The following LRP1B variants were observed in gnomAD, a reference collection of about 807,000 sequenced individuals.
LRP1B encodes the protein low-density lipoprotein receptor-related protein 1B.
LRP1B carries 217 observed loss-of-function variants against 556.6 expected under a neutral mutation model. The observed-to-expected ratio is 0.39, with a 90% CI of 0.35 to 0.44. LRP1B has a LOEUF of 0.44. LRP1B is among the 20% of genes least tolerant of loss of function. The pLI is 1.00. For missense variants in LRP1B, 5,053 were observed against 5,620.8 expected (o/e 0.90, Z 3.23); for synonymous variants, 2,047 against 1,865.8 (o/e 1.10, Z -2.50).
At chr2:141,981,101 T>C (rs1189141645) in intron 1 of LRP1B, among the ~76,000 whole-genome samples, 2 of 152,148 alleles carry the variant, frequency 1.3e-5, no homozygotes, top group Non-Finnish European at 2.9e-5. Context: ...CAGCATGTAT[T>C]TGGGGCTTAG....
chr2:142,054,438 C>T (rs1394357842), intron 1 of LRP1B, among the ~76,000 whole-genome samples: 3 of 152,028 alleles, frequency 2.0e-5, no homozygotes, highest in African/African-American at 7.2e-5. Context: ...AATTATGTTA[C>T]GTACTACCCC....
chr2:140,943,775 T>C (rs1227785139), intron 20 of LRP1B, among the ~76,000 whole-genome samples: 1 of 151,982 alleles, frequency 6.6e-6, no homozygotes, highest in Non-Finnish European at 1.5e-5. Context: ...AAAAGTAGTC[T>C]TAAGAGGAAA....
chr2:141,354,380 C>G (rs1272427149), intron 3 of LRP1B, among the ~76,000 whole-genome samples: 2 of 151,782 alleles, frequency 1.3e-5, no homozygotes, highest in Non-Finnish European at 2.9e-5. Flanking sequence ...AGTGTACTGC[C>G]CAAACCTATA....
At chr2:140,309,372 G>T (rs1157705955) in intron 83 of LRP1B, among the ~76,000 whole-genome samples, 1 of 151,704 alleles carries the variant, frequency 6.6e-6, no homozygotes, top group Non-Finnish European at 1.5e-5. Flanking sequence ...CAGCATTGTG[G>T]AAATAAGATT....
chr2:140,646,899 C>T (rs1394637428), intron 41 of LRP1B, among the ~76,000 whole-genome samples: 1 of 151,808 alleles, frequency 6.6e-6, no homozygotes, highest in African/African-American at 2.4e-5. Context: ...TATATATGTA[C>T]ATATGTATGT....
intron 86 of LRP1B, among the ~76,000 whole-genome samples, chr2:140,252,575 C>A (rs1326881757): frequency 6.6e-6 from 1 of 151,156 alleles, no homozygotes; most frequent in Non-Finnish European, 1.5e-5. Context: ...TAATTCAATA[C>A]AGAAGTAGGA....
At chr2:140,244,041 C>T (rs992518613) in intron 87 of LRP1B, among the ~76,000 whole-genome samples, 1 of 151,152 alleles carries the variant, frequency 6.6e-6, no homozygotes, top group East Asian at 2.0e-4. Flanking sequence ...GCTGTTTACT[C>T]CATTAGAACC....
intron 3 of LRP1B, among the ~76,000 whole-genome samples, chr2:141,347,245 TA>T (rs1688284451): frequency 6.6e-6 from 1 of 152,080 alleles, no homozygotes; most frequent in Non-Finnish European, 1.5e-5. Context: ...GAGTCAGGTA[TA>T]AAAATTTTCC....
At chr2:140,388,380 G>T (rs1463071112) in intron 66 of LRP1B, among the ~76,000 whole-genome samples, 1 of 151,742 alleles carries the variant, frequency 6.6e-6, no homozygotes, top group Non-Finnish European at 1.5e-5. Flanking sequence ...ACTGCCAAAG[G>T]TTAATATTTG....
chr2:141,738,743 A>G (rs768310094), intron 2 of LRP1B, among the ~76,000 whole-genome samples: 29 of 152,146 alleles, frequency 1.9e-4, no homozygotes, highest in Non-Finnish European at 3.7e-4. Flanking sequence ...TCTCTTTCGT[A>G]TAAAACTGCT....
intron 2 of LRP1B, among the ~76,000 whole-genome samples, chr2:141,699,318 A>G (rs1383408738): frequency 6.6e-6 from 1 of 151,818 alleles, no homozygotes; most frequent in African/African-American, 2.4e-5. Context: ...CAACCAGGAA[A>G]GACAAACTAT....
At chr2:141,085,536 G>T (rs1700030020) in intron 7 of LRP1B, among the ~76,000 whole-genome samples, 1 of 152,130 alleles carries the variant, frequency 6.6e-6, no homozygotes, top group African/African-American at 2.4e-5. Context: ...TGGCGAGAAG[G>T]TGATCATCTG....
At chr2:140,547,959 G>GAA (rs554822826) in intron 43 of LRP1B, among the ~76,000 whole-genome samples, 178 of 115,102 alleles carry the variant, frequency 1.5e-3, no homozygotes, top group African/African-American at 4.3e-3. Context: ...CTGTAATCAG[G>GAA]AAAAAAAAAA....
intron 75 of LRP1B, among the ~76,000 whole-genome samples, 172 bp downstream of exon 75, chr2:140,356,170 C>CACAA (rs70985093): frequency 0.44 from 67,199 of 151,152 alleles, 15,590 homozygotes; most frequent in Non-Finnish European, 0.53. Context: ...AGCTTAGCTC[C>CACAA]ACAAACAAGC....
intron 2 of LRP1B, among the ~76,000 whole-genome samples, chr2:141,607,432 A>C (rs751675346): frequency 1.3e-5 from 2 of 152,146 alleles, no homozygotes; most frequent in African/African-American, 2.4e-5. Flanking sequence ...GATCTCTAGT[A>C]GATAGTAGTC....
At chr2:142,048,471 T>A (rs969913463) in intron 1 of LRP1B, among the ~76,000 whole-genome samples, 1 of 152,038 alleles carries the variant, frequency 6.6e-6, no homozygotes, top group Non-Finnish European at 1.5e-5. Context: ...ACATTCTTCT[T>A]AAAAGAAAGA....
intron 60 of LRP1B, among the ~76,000 whole-genome samples, chr2:140,473,179 T>C (rs531537650): frequency 9.8e-4 from 149 of 152,106 alleles, no homozygotes; most frequent in African/African-American, 3.5e-3. Flanking sequence ...AATTAGTACC[T>C]CATTAGTAAC....
intron 6 of LRP1B, among the ~76,000 whole-genome samples, chr2:141,207,571 GCTT>G (rs1392830315): frequency 6.6e-6 from 1 of 152,172 alleles, no homozygotes; most frequent in East Asian, 1.9e-4. Context: ...TAAAATAGAA[GCTT>G]CTTTAGTTAT....
chr2:141,896,232 G>A (rs1379767090), intron 1 of LRP1B, among the ~76,000 whole-genome samples: 3 of 151,966 alleles, frequency 2.0e-5, no homozygotes, highest in African/African-American at 2.4e-5. Flanking sequence ...CAAACTCACC[G>A]GGTTCAGCTA....
Sources: gnomAD v4.1 joint callset for allele counts (sites outside exome capture counted in the v4.1 genomes callset) on GRCh38, gnomAD v4.1.1 for gene constraint, MANE v1.5 for transcripts, NCBI Gene and HGNC (gene_info 2026-07-23, HGNC 2026-07-21) for gene names.